Variants in PRRG3 observed in about 807,000 individuals in gnomAD.
PRRG3 encodes the protein transmembrane gamma-carboxyglutamic acid protein 3.
PRRG3 carries 21 observed loss-of-function variants against 15.8 expected under a neutral mutation model. That is an observed-to-expected ratio of 1.33 (90% CI 0.94 to 1.92). The LOEUF (loss-of-function observed/expected upper bound fraction) is 1.92, where lower values mean the gene tolerates loss of function less well. Ranked by LOEUF, PRRG3 falls within the 40% of genes most tolerant of loss-of-function variation. PRRG3 has a pLI of 0.00. For synonymous variants in PRRG3, 125 were observed against 84.1 expected, an observed-to-expected ratio of 1.49 and a Z score of -2.66; for missense variants, 251 against 200.2, an observed-to-expected ratio of 1.25 and a Z score of -1.53.
chrX:151,701,489 T>C lies in PRRG3; in HGVS notation c.*456T>C, dbSNP rs5970099. 3 of 118,950 alleles carry C rather than the reference T, an allele frequency of 2.5e-5. No individual in the cohort carries two copies. Among genetic ancestry groups the C allele is most frequent in the Non-Finnish European group, 5.2e-5 (3 of 57,706 alleles). The allele number at this position is 118,950 out of a possible 1,213,427, so 9.8% of individuals were successfully genotyped here. ...TTTCAGCACCCCTTACCCTCCACAG[T>C]TCTGTGATTTCTGTCCTTGCTTACA... On this transcript the variant is annotated 3_prime_UTR_variant, in exon 4 of 4. Coordinates refer to ENST00000674457, the MANE Select transcript of PRRG3 (RefSeq NM_001372163.1).
chrX:151,698,934 A>T, intron 2 of PRRG3, 113 bp downstream of exon 2: 2 of 697,163 alleles, frequency 2.9e-6, no homozygotes, highest in Non-Finnish European at 4.3e-6. Context: ...GTGGGCCTGT[A>T]GCCATTTTCC....
intron 1 of PRRG3, chrX:151,698,417 G>T (rs750405740): frequency 2.8e-4 from 37 of 130,811 alleles, no homozygotes; most frequent in Non-Finnish European, 5.5e-4. Flanking sequence ...TTTCCAATTG[G>T]AAGTTGCAAA....
In PRRG3 at chrX:151,703,856, GGTTTTTTTTTTTTTTTTTTTTTTTTT is replaced by G. The variant is rs2014927479; in HGVS notation, c.*2824_*2849del. ...AAGAAATCTGAGTACTCCTGGGCAT[GGTTTTTTTTTTTTTTTTTTTTTTTTT>G]TTTTTTTTTTTTTTTTTTTTTTTTT... On this transcript the variant is annotated 3_prime_UTR_variant, in exon 4 of 4. Transcript: ENST00000674457. The G allele has an allele frequency of 1.1e-4, 1 of 8,957 alleles. No individual in the cohort carries two copies. The allele number at this position is 8,957 out of a possible 1,213,427, so 0.7% of individuals were successfully genotyped here.
intron 1 of PRRG3, among the ~76,000 whole-genome samples, chrX:151,697,263 G>A (rs1277118197): frequency 9.2e-6 from 1 of 109,135 alleles, no homozygotes; most frequent in East Asian, 2.9e-4. Context: ...TGGTTCAAGC[G>A]ATTCCCCTGT....
At chrX:151,697,605 T>G (rs934853789) in intron 1 of PRRG3, among the ~76,000 whole-genome samples, 1 of 111,667 alleles carries the variant, frequency 9.0e-6, no homozygotes, top group Non-Finnish European at 1.9e-5. Context: ...CAGCTGGGCT[T>G]CCAGGGTGCC....
At chrX:151,695,215 T>A (rs902006723), upstream of PRRG3, 1 of 109,839 alleles carries the variant, frequency 9.1e-6, no homozygotes, top group Non-Finnish European at 1.9e-5. Flanking sequence ...CGGCGGGGTG[T>A]GGGGGGCGGG....
rs1344717985 is a variant in PRRG3, at chrX:151,704,216, C to A, written c.*3183C>A. On this transcript the variant is annotated 3_prime_UTR_variant, in exon 4 of 4. Coordinates refer to ENST00000674457, the MANE Select transcript of PRRG3 (RefSeq NM_001372163.1). The stretch of plus-strand genomic sequence containing the variant: ...GCCTGGCGTGTACACACCACCCACA[C>A]AGCTGCGTCCAGCCCTGGCTGAGGG... The A allele has an allele frequency of 2.7e-5, 3 of 109,997 alleles. No homozygotes were observed. The highest frequency in any genetic ancestry group is 3.8e-5 in the Non-Finnish European group (2 of 52,799). 9.1% of individuals were successfully genotyped at this position (109,997 alleles called of 1,213,427 possible).
chrX:151,699,361 C>T (rs181128040), intron 2 of PRRG3, among the ~76,000 whole-genome samples: 6 of 112,548 alleles, frequency 5.3e-5, no homozygotes, highest in Non-Finnish European at 1.1e-4. Context: ...TTAGACTCTC[C>T]ATCTGAACCC....
At chrX:151,695,845 A>C (rs781275050) in intron 1 of PRRG3, among the ~76,000 whole-genome samples, 15 of 111,117 alleles carry the variant, frequency 1.3e-4, no homozygotes, top group African/African-American at 4.9e-4. Context: ...TGGGTCGATG[A>C]GTCATGCGAT....
Position 151,703,819 on chromosome X carries a change from G to A in PRRG3, c.*2786G>A, listed in dbSNP as rs112375403. The A allele has an allele frequency of 1.1e-5, 1 of 91,453 alleles. No homozygotes were observed. The highest frequency in any genetic ancestry group is 2.1e-5 in the Non-Finnish European group (1 of 48,146). The allele number at this position is 91,453 out of a possible 1,213,427, so 7.5% of individuals were successfully genotyped here. The stretch of plus-strand genomic sequence containing the variant: ...TGGCCCAGGCTTCTGTTCTGTGGGT[G>A]TCAGCAGCTGAAAGAAATCTGAGTA... On this transcript the variant is annotated 3_prime_UTR_variant, in exon 4 of 4. Transcript: ENST00000674457.
In PRRG3 at chrX:151,701,285, A is replaced by G; in HGVS notation, c.*252A>G. 3.6e-6 allele frequency: 1 copy of G among 280,435 alleles called. No homozygotes were observed. The highest frequency in any genetic ancestry group is 6.3e-6 in the Non-Finnish European group (1 of 158,659). 23.1% of individuals were successfully genotyped at this position (280,435 alleles called of 1,213,427 possible). On this transcript the variant is annotated 3_prime_UTR_variant, in exon 4 of 4. Coordinates refer to ENST00000674457, the MANE Select transcript of PRRG3 (RefSeq NM_001372163.1). ...TGCCCAACTCTTTGGGATGACCCCC[A>G]AGCCTCCAACATCCTGTCTTTCCAT...
At chrX:151,695,722 T>C (rs2014748696) in intron 1 of PRRG3, among the ~76,000 whole-genome samples, 178 bp downstream of exon 1, 1 of 110,882 alleles carries the variant, frequency 9.0e-6, no homozygotes, top group Non-Finnish European at 1.9e-5. Flanking sequence ...GGCGCTGGTG[T>C]CCAGCGAAGG....
In PRRG3 at chrX:151,698,819, C is replaced by G; in HGVS notation, c.5C>G (p.Ala2Gly). 8.3e-7 allele frequency: 1 copy of G among 1,204,737 alleles called. No individual in the cohort carries two copies. Among genetic ancestry groups the G allele is most frequent in the Non-Finnish European group, 1.1e-6 (1 of 891,099 alleles). ...CCCTGCAGCTGAGGGAGCATCATGGCAGGTGAGTTTTTCCAGGCCTGGGCA... is the reference window on the plus strand; with the variant it reads ...CCCTGCAGCTGAGGGAGCATCATGGGAGGTGAGTTTTTCCAGGCCTGGGCA... Reference protein sequence around the residue: MAVFLEAKDAHS... With the variant: MGVFLEAKDAHS... The change falls in exon 2 of 4, where the codon GCA becomes GGA. Residue 2 changes from alanine to glycine, a missense_variant and splice_region_variant. Physicochemically the swap from Ala to Gly is moderately conservative, Grantham distance 60. Transcript: ENST00000674457.
In PRRG3 at chrX:151,700,824, CG is replaced by C. The variant is rs748526759; in HGVS notation, c.494del (p.Gly165AlafsTer7). ...NSPQVVLGPS[R>X]GGRTTVRLES... Reference sequence around the variant, plus strand: ...CCCCCAGGTGGTGCTGGGGCCCAGTCGGGGGGGCAGGACCACAGTCCGGCTA... The same window carrying C: ...CCCCCAGGTGGTGCTGGGGCCCAGTCGGGGGGCAGGACCACAGTCCGGCTA... On this transcript the variant is annotated frameshift_variant, in exon 4 of 4. Transcript: ENST00000674457. LOFTEE classifies it high-confidence loss of function. The C allele has an allele frequency of 5.9e-6, 7 of 1,187,597 alleles. No homozygotes were observed. The highest frequency in any genetic ancestry group is 7.9e-6 in the Non-Finnish European group (7 of 882,337).
Position 151,703,927 on chromosome X carries a change from TGTGTG to T in PRRG3, c.*2895_*2899del, listed in dbSNP as rs2014938481. 1 of 79,558 alleles carries T rather than the reference TGTGTG, an allele frequency of 1.3e-5. No homozygotes were observed. Among genetic ancestry groups the T allele is most frequent in the African/African-American group, 5.1e-5 (1 of 19,709 alleles). The allele number at this position is 79,558 out of a possible 1,213,427, so 6.6% of individuals were successfully genotyped here. On this transcript the variant is annotated 3_prime_UTR_variant, in exon 4 of 4. Coordinates refer to ENST00000674457, the MANE Select transcript of PRRG3 (RefSeq NM_001372163.1). Reference sequence around the variant, plus strand: ...TTTTTTTTTTTTGTGTGTGTGTGTGTGTGTGTGTGTGTGTGTGTGTGTGTGTATGG... The same window carrying T: ...TTTTTTTTTTTTGTGTGTGTGTGTGTTGTGTGTGTGTGTGTGTGTGTATGG...
chrX:151,700,924 A>G lies in PRRG3; in HGVS notation c.587A>G (p.Glu196Gly). The change falls in exon 4 of 4, where the codon GAG (glutamate) becomes GGG (glycine). Residue 196 changes from glutamate (E) to glycine (G), a missense_variant. Physicochemically the swap from Glu to Gly is moderately conservative, Grantham distance 98. Transcript: ENST00000674457. The stretch of plus-strand genomic sequence containing the variant: ...ACCACCCCTCCCCCCTCCTACGAGG[A>G]GGTGACTGCGCCCCAAGAGAGCAGC... ...SSTTPPPSYE[E>G]VTAPQESSSE... The G allele has an allele frequency of 2.5e-6, 3 of 1,210,536 alleles. No individual in the cohort carries two copies.
rs760251875 is a variant in PRRG3, at chrX:151,705,272, T to C, written c.*4239T>C. 7.9e-5 allele frequency: 27 copies of C among 341,717 alleles called. No individual in the cohort carries two copies. The highest frequency in any genetic ancestry group is 6.3e-4 in the South Asian group (24 of 38,201). 28.2% of individuals were successfully genotyped at this position (341,717 alleles called of 1,213,427 possible). A position where few individuals can be genotyped will look rare whatever the true frequency, so the allele number is the denominator to read the frequency against. Reference sequence around the variant, plus strand: ...CTTTCTAAATATTCTGTAAAGCAGATGCTTCGCTGTCAGACTGGCCGCTCC... The same window carrying C: ...CTTTCTAAATATTCTGTAAAGCAGACGCTTCGCTGTCAGACTGGCCGCTCC... On this transcript the variant is annotated 3_prime_UTR_variant, in exon 4 of 4. Transcript: ENST00000674457.
In PRRG3 at chrX:151,700,157, G is replaced by T; in HGVS notation, c.168+1G>T. ...AGTGTTTGAGAACAAAGAGAAAACGGCATGTACCACCCTGGGGCTGGTTCT... is the reference window on the plus strand; with the variant it reads ...AGTGTTTGAGAACAAAGAGAAAACGTCATGTACCACCCTGGGGCTGGTTCT... On this transcript the variant is annotated splice_donor_variant, in intron 3 of 3. Transcript: ENST00000674457. LOFTEE classifies it high-confidence loss of function. 8.3e-7 allele frequency: 1 copy of T among 1,212,002 alleles called. No homozygotes were observed. Among genetic ancestry groups the T allele is most frequent in the South Asian group, 1.8e-5 (1 of 56,992 alleles).
At chrX:151,695,421 AC>A (rs1286524454), upstream of PRRG3, 12 of 105,014 alleles carry the variant, frequency 1.1e-4, no homozygotes. Context: ...GCTGGGCCGG[AC>A]CGGGGGGCTT....
Sources: allele counts gnomAD v4.1 joint callset (sites outside exome capture counted in the v4.1 genomes callset), GRCh38; gene constraint gnomAD v4.1.1; transcripts MANE v1.5; gene names NCBI Gene and HGNC (gene_info 2026-07-23, HGNC 2026-07-21).